The following EYS variants were observed in gnomAD, a reference collection of about 807,000 sequenced individuals.
EYS encodes the protein protein eyes shut homolog.
EYS carries 250 observed loss-of-function variants against 282.1 expected under a neutral mutation model. The observed-to-expected ratio is 0.89, with a 90% CI of 0.80 to 0.98. EYS has a LOEUF of 0.98. EYS is among the 50% of genes least tolerant of loss of function. EYS has a pLI of 0.00. For missense variants in EYS, 4,016 were observed against 3,709.0 expected (o/e 1.08, Z -2.15); for synonymous variants, 1,355 against 1,282.9 (o/e 1.06, Z -1.20).
intron 14 of EYS, among the ~76,000 whole-genome samples, chr6:64,991,063 G>A (rs1771045272): frequency 6.6e-6 from 1 of 151,338 alleles, no homozygotes; most frequent in Admixed American, 6.6e-5. Flanking sequence ...CATCAGATGA[G>A]GGAATTTAAG....
rs868477219 is a variant in EYS, at chr6:64,477,212, C to T, written c.5645-37860G>A. 3.3e-5 allele frequency among the ~76,000 whole-genome samples: 5 copies of T among 152,222 alleles called. No individual in the cohort carries two copies. In the South Asian group the frequency reaches 1.0e-3, roughly 32 times the overall value. On this transcript the variant is annotated intron_variant, in intron 26 of 42. Transcript: ENST00000503581. ...TCAATGAAAAATAATGTTTTCTTCT[C>T]TTGCCACCACCTACAGATTTAATGC...
chr6:65,153,363 A>ATGTGTGTGTGTG (rs67661407), intron 12 of EYS, among the ~76,000 whole-genome samples: 8 of 135,760 alleles, frequency 5.9e-5, no homozygotes, highest in African/African-American at 1.9e-4. Context: ...GAGATCATAA[A>ATGTGTGTGTGTG]TGTGTGTGTG....
At chr6:64,685,033 A>C (rs1770039728) in intron 22 of EYS, among the ~76,000 whole-genome samples, 2 of 152,136 alleles carry the variant, frequency 1.3e-5, no homozygotes, top group South Asian at 2.1e-4. Context: ...CTAATATAAG[A>C]GATGTACTTT....
chr6:65,168,090 G>A (rs1765018469), intron 12 of EYS, among the ~76,000 whole-genome samples: 1 of 151,044 alleles, frequency 6.6e-6, no homozygotes, highest in African/African-American at 2.4e-5. Flanking sequence ...ACTAGTTTTT[G>A]TTCAAATTGT....
Position 63,864,313 on chromosome 6 carries a change from G to A in EYS, c.7101C>T (p.Gly2367=). The A allele has an allele frequency of 1.3e-6, 2 of 1,551,600 alleles. No homozygotes were observed. Among genetic ancestry groups the A allele is most frequent in the Non-Finnish European group, 1.7e-6 (2 of 1,146,884 alleles). The change falls in exon 36 of 43, where the codon GGC becomes GGT. Residue 2367 remains glycine, a synonymous_variant. Transcript: ENST00000503581. ...CACAACTTGCAAACTGGCACAGCTT[G>A]CCTGAATACAGCCTTGGACACTCAC... ...LFCECPRLYS[G]KLCQFASCEN...
chr6:64,227,969 T>C (rs1766300855), intron 31 of EYS, among the ~76,000 whole-genome samples: 1 of 152,130 alleles, frequency 6.6e-6, no homozygotes, highest in African/African-American at 2.4e-5. Flanking sequence ...GAAAATGGCA[T>C]ATAATAATTA....
At chr6:65,389,233 A>G (rs1054321129) in intron 7 of EYS, among the ~76,000 whole-genome samples, 1 of 152,134 alleles carries the variant, frequency 6.6e-6, no homozygotes, top group Non-Finnish European at 1.5e-5. Context: ...GAAGGACTTT[A>G]CAAAGGCATT....
intron 30 of EYS, among the ~76,000 whole-genome samples, chr6:64,243,577 C>T (rs1766908428): frequency 6.6e-6 from 1 of 152,154 alleles, no homozygotes; most frequent in Non-Finnish European, 1.5e-5. Context: ...CATCTCATTC[C>T]ATTGGTTAGA....
Position 64,707,157 on chromosome 6 carries a change from C to G in EYS, c.3444-80912G>C, listed in dbSNP as rs138649396. ...TATATATATGTGTCATGGAATACAA[C>G]TCAGCCATGAAAAGGGAGGAAATAA... is the stretch of plus-strand genomic sequence containing the variant. On this transcript the variant is annotated intron_variant, in intron 22 of 42. Coordinates refer to ENST00000503581, the MANE Select transcript of EYS (RefSeq NM_001142800.2). 3.3e-5 allele frequency among the ~76,000 whole-genome samples: 5 copies of G among 151,916 alleles called. No individual in the cohort carries two copies. In the East Asian group the frequency reaches 9.7e-4, roughly 30 times the overall value.
At position 65,224,608 on chromosome 6, in the gene EYS, A is replaced by G. The variant is rs188568150; in HGVS notation, c.2023+71255T>C. ...ATGAAATACGATAGAGAGAATCAAC[A>G]AAACTAAAAGTTGGTTCTTTGAATT... On this transcript the variant is annotated intron_variant, in intron 12 of 42. Transcript: ENST00000503581. Among the ~76,000 whole-genome samples, 259 of 111,600 alleles carry G rather than the reference A, an allele frequency of 2.3e-3. 2 individuals carry two copies. Among genetic ancestry groups the G allele is most frequent in the African/African-American group, 6.3e-3 (244 of 38,786 alleles). 73.2% of individuals were successfully genotyped at this position (111,600 alleles called of 152,430 possible). A position where few individuals can be genotyped will look rare whatever the true frequency, so the allele number is the denominator to read the frequency against.
At chr6:65,648,383 G>A (rs1053011576) in intron 1 of EYS, among the ~76,000 whole-genome samples, 1 of 149,634 alleles carries the variant, frequency 6.7e-6, no homozygotes, top group Non-Finnish European at 1.5e-5. Flanking sequence ...CCATAAAAAG[G>A]AATGAAATAA....
At chr6:65,141,641 GTCTGTCTGTCTATCTATCTATCTA>G (rs1286301585) in intron 12 of EYS, among the ~76,000 whole-genome samples, 24 of 74,488 alleles carry the variant, frequency 3.2e-4, no homozygotes, top group African/African-American at 9.5e-4. Context: ...CTGTCTGTCT[GTCTGTCTGTCTATCTATCTATCTA>G]TCTATCTATC....
intron 10 of EYS, among the ~76,000 whole-genome samples, chr6:65,340,568 A>C (rs1418569): frequency 0.92 from 138,285 of 151,016 alleles, 63,486 homozygotes; most frequent in Non-Finnish European, 0.95. Flanking sequence ...GTTTGCACAT[A>C]AAGACTCACT....
chr6:63,987,154 A>G (rs901883248), intron 34 of EYS, among the ~76,000 whole-genome samples: 1 of 151,836 alleles, frequency 6.6e-6, no homozygotes, highest in South Asian at 2.1e-4. Flanking sequence ...TTTAGCCACC[A>G]CATTGGAAAC....
chr6:64,946,055 T>C, intron 14 of EYS, 141 bp from the exon 15 acceptor site: 1 of 594,130 alleles, frequency 1.7e-6, no homozygotes, highest in Non-Finnish European at 2.7e-6. Context: ...TCCCCCCAAA[T>C]GACTTTTACC....
At chr6:65,382,457 C>CTGTG (rs55949006) in intron 8 of EYS, among the ~76,000 whole-genome samples, 9,463 of 111,616 alleles carry the variant, frequency 0.085, 430 homozygotes, top group East Asian at 0.17. Context: ...CTCCTTTCCT[C>CTGTG]TGTGTGTGTG....
chr6:63,844,641 G>T (rs1265671806), intron 36 of EYS, among the ~76,000 whole-genome samples: 4 of 149,098 alleles, frequency 2.7e-5, no homozygotes. Context: ...TATTTTTGTT[G>T]GCTGCATAAA....
At chr6:64,275,046 G>A (rs529090027) in intron 30 of EYS, among the ~76,000 whole-genome samples, 2 of 152,232 alleles carry the variant, frequency 1.3e-5, no homozygotes, top group South Asian at 2.1e-4. Context: ...TGGCAACCTG[G>A]TCACACCTAC....
intron 2 of EYS, among the ~76,000 whole-genome samples, chr6:65,501,850 A>C (rs1200314780): frequency 6.6e-6 from 1 of 151,684 alleles, no homozygotes; most frequent in East Asian, 1.9e-4. Context: ...TAGAGGGTGA[A>C]AATATTATTA....
Sources: gnomAD v4.1 joint callset for allele counts (sites outside exome capture counted in the v4.1 genomes callset) on GRCh38, gnomAD v4.1.1 for gene constraint, MANE v1.5 for transcripts, NCBI Gene and HGNC (gene_info 2026-07-23, HGNC 2026-07-21) for gene names.